Variants in DSTYK observed in about 807,000 individuals in gnomAD.
DSTYK encodes the protein dual serine/threonine and tyrosine protein kinase, also known as RIP-homologous kinase.
Under a neutral mutation model 98.7 loss-of-function variants are expected in DSTYK, and 34 were observed. The ratio of observed to expected loss-of-function variants is 0.34; its 90% CI spans 0.26 to 0.46. The LOEUF (loss-of-function observed/expected upper bound fraction) is 0.46, where lower values mean the gene tolerates loss of function less well. Among genes scored for constraint, DSTYK ranks in the 20% least tolerant of loss-of-function variants. DSTYK has a pLI of 1.00. For missense variants in DSTYK, 962 were observed against 1,181.7 expected (o/e 0.81, Z 2.73); for synonymous variants, 462 against 457.3 (o/e 1.01, Z -0.13).
intron 1 of DSTYK, among the ~76,000 whole-genome samples, chr1:205,198,204 G>A (rs564432663): frequency 1.6e-4 from 23 of 148,278 alleles, no homozygotes; most frequent in African/African-American, 5.9e-4. Flanking sequence ...AAAAAAAAAA[G>A]AAAGAAAGAA....
At chr1:205,196,758 A>T (rs918259123) in intron 1 of DSTYK, among the ~76,000 whole-genome samples, 4 of 109,866 alleles carry the variant, frequency 3.6e-5, no homozygotes, top group Non-Finnish European at 7.0e-5. Flanking sequence ...AAAATGGTGA[A>T]TTTTTTTTTT....
chr1:205,203,824 G>A (rs1242776146), intron 1 of DSTYK, among the ~76,000 whole-genome samples: 1 of 151,726 alleles, frequency 6.6e-6, no homozygotes, highest in East Asian at 2.0e-4. Flanking sequence ...GTTGAGACAG[G>A]AGAAATGCTT....
chr1:205,211,469 T>G lies in DSTYK; in HGVS notation c.67A>C (p.Met23Leu). 1 of 1,589,852 alleles carries G rather than the reference T, an allele frequency of 6.3e-7. No homozygotes were observed. The highest frequency in any genetic ancestry group is 8.5e-7 in the Non-Finnish European group (1 of 1,172,022). ...VSGPGPGGGG[M>L]IRELCRGFGR... ...AAGCCCCGGCACAGCTCGCGGATCA[T>G]TCCGCCGCCGCCGGGGCCGGGACCC... The change falls in exon 1 of 13, where the codon ATG becomes CTG. Residue 23 changes from methionine (M) to leucine (L), a missense_variant. Physicochemically the swap from Met to Leu is conservative, Grantham distance 15. This residue lies in a region of DSTYK where 168 missense variants were observed against 120.0 expected (regional missense o/e 1.40). Coordinates refer to ENST00000367162, the MANE Select transcript of DSTYK (RefSeq NM_015375.3).
Position 205,163,878 on chromosome 1 carries a change from T to TGAGTTCCTG in DSTYK, c.1393_1401dup (p.Gln465_Leu467dup), listed in dbSNP as rs1657809446. 6.2e-7 allele frequency: 1 copy of TGAGTTCCTG among 1,614,034 alleles called. No homozygotes were observed. The highest frequency in any genetic ancestry group is 1.3e-5 in the African/African-American group (1 of 74,920). On this transcript the variant is annotated inframe_insertion, in exon 4 of 13. Transcript: ENST00000367162. ...ACTGCCTGATTAAGTCGGGAGATGA[T>TGAGTTCCTG]GAGTTCCTGGATCTGTCGGATGCAG...
chr1:205,166,792 C>G (rs1657903401), intron 3 of DSTYK, among the ~76,000 whole-genome samples: 1 of 152,170 alleles, frequency 6.6e-6, no homozygotes, highest in African/African-American at 2.4e-5. Flanking sequence ...AGAAATCAGG[C>G]AACCTATGTT....
chr1:205,200,400 C>T (rs1658994225), intron 1 of DSTYK, among the ~76,000 whole-genome samples: 1 of 152,178 alleles, frequency 6.6e-6, no homozygotes, highest in Admixed American at 6.5e-5. Context: ...TCTTGAACTC[C>T]TCACCGCAGG....
chr1:205,147,628 T>C lies in DSTYK; in HGVS notation c.2720A>G (p.Gln907Arg). ...CTTGCAGAGCCGATTCATGATGCCC[T>C]GGAGCATGGGCTGGACAATGCCCAA... ...PLLGIVQPML[Q>R]GIMNRLCKSN... The change falls in exon 13 of 13, where the codon CAG becomes CGG. Residue 907 changes from glutamine (Q) to arginine (R), a missense_variant. Gln to Arg is a conservative substitution (Grantham distance 43). Around this residue, in one of 4 missense-constraint regions of DSTYK, gnomAD observed 65 missense variants for 63.9 expected, o/e 1.02. Transcript: ENST00000367162. The C allele has an allele frequency of 6.2e-7, 1 of 1,614,144 alleles. No homozygotes were observed. The highest frequency in any genetic ancestry group is 8.5e-7 in the Non-Finnish European group (1 of 1,179,954).
At chr1:205,207,941 A>T (rs1488249225) in intron 1 of DSTYK, among the ~76,000 whole-genome samples, 3 of 151,944 alleles carry the variant, frequency 2.0e-5, no homozygotes, top group Non-Finnish European at 2.9e-5. Flanking sequence ...CAATGGCGTG[A>T]TTTCGGCTCA....
intron 11 of DSTYK, among the ~76,000 whole-genome samples, chr1:205,149,398 C>T (rs1036626531): frequency 5.9e-5 from 9 of 152,156 alleles, no homozygotes; most frequent in Non-Finnish European, 4.4e-5. Flanking sequence ...CTTACCAATA[C>T]TAATGACTGA....
intron 2 of DSTYK, among the ~76,000 whole-genome samples, chr1:205,183,247 A>C (rs1658471168): frequency 6.6e-6 from 1 of 152,194 alleles, no homozygotes; most frequent in African/African-American, 2.4e-5. Context: ...TTGTATACAA[A>C]GACACAACTA....
At chr1:205,166,471 C>CCAA (rs760526007) in intron 3 of DSTYK, among the ~76,000 whole-genome samples, 1 of 131,180 alleles carries the variant, frequency 7.6e-6, no homozygotes, top group Admixed American at 7.6e-5. Context: ...CTCGTCTTTA[C>CCAA]AAAAAAAAAA....
chr1:205,182,571 C>T (rs1289105274), intron 2 of DSTYK, among the ~76,000 whole-genome samples: 14 of 147,888 alleles, frequency 9.5e-5, no homozygotes, highest in East Asian at 2.0e-4. Flanking sequence ...TTTGGGAGGC[C>T]GAGGTGGGCG....
At chr1:205,159,496 A>G in intron 9 of DSTYK, 51 bp downstream of exon 9, 2 of 1,571,380 alleles carry the variant, frequency 1.3e-6, no homozygotes, top group South Asian at 1.2e-5. Flanking sequence ...ATGAGTGGCC[A>G]GAAAGGAACC....
chr1:205,194,405 C>T (rs1658801407), intron 1 of DSTYK, among the ~76,000 whole-genome samples: 1 of 152,104 alleles, frequency 6.6e-6, no homozygotes, highest in Admixed American at 6.6e-5. Flanking sequence ...ATAGAAAATG[C>T]TTTTGCTTTA....
chr1:205,150,019 A>T lies in DSTYK; in HGVS notation c.2467+661T>A, dbSNP rs1657356496. On this transcript the variant is annotated intron_variant, in intron 11 of 12. Coordinates refer to ENST00000367162, the MANE Select transcript of DSTYK (RefSeq NM_015375.3). The surrounding 1 kb of genome is among the most constrained non-coding windows in gnomAD (Gnocchi z 4.1). ...GGTTTTGGGAGTAGGTTTCTTCATC[A>T]ATCTGGTCTCAATTTTATCCATTGA... Among the ~76,000 whole-genome samples, 1 of 152,192 alleles carries T rather than the reference A, an allele frequency of 6.6e-6. No homozygotes were observed.
chr1:205,168,519 T>A (rs1657954941), intron 3 of DSTYK, among the ~76,000 whole-genome samples: 1 of 152,192 alleles, frequency 6.6e-6, no homozygotes, highest in South Asian at 2.1e-4. Context: ...GGGATTAGGA[T>A]ACTCACAACT....
intron 1 of DSTYK, 86 bp downstream of exon 1, chr1:205,211,185 C>T: frequency 2.0e-6 from 3 of 1,481,394 alleles, no homozygotes; most frequent in South Asian, 1.4e-5. Context: ...CCCGAGAAGA[C>T]TCGGGCTTGT....
intron 2 of DSTYK, among the ~76,000 whole-genome samples, chr1:205,182,902 A>T (rs1407617631): frequency 4.6e-5 from 7 of 152,050 alleles, no homozygotes; most frequent in Non-Finnish European, 7.4e-5. Flanking sequence ...GGCCAAAAGC[A>T]CCTGGTGGGG....
chr1:205,153,740 C>T (rs1431820316), intron 10 of DSTYK, among the ~76,000 whole-genome samples: 1 of 150,240 alleles, frequency 6.7e-6, no homozygotes, highest in Non-Finnish European at 1.5e-5. Context: ...CACTCTGTCA[C>T]CAGGCTCCAG....
Sources: gnomAD v4.1 joint callset for allele counts (sites outside exome capture counted in the v4.1 genomes callset) on GRCh38, gnomAD v4.1.1 for gene constraint, gnomAD v4.1.1 regional missense constraint, Gnocchi (gnomAD v3.1) non-coding constraint, MANE v1.5 for transcripts, NCBI Gene and HGNC (gene_info 2026-07-23, HGNC 2026-07-21) for gene names.